The following C2CD3 variants were observed in gnomAD, a reference collection of about 807,000 sequenced individuals.
The protein encoded by C2CD3 is C2 domain-containing protein 3.
C2CD3 carries 148 observed loss-of-function variants against 234.0 expected under a neutral mutation model. The ratio of observed to expected loss-of-function variants is 0.63; its 90% confidence interval spans 0.55 to 0.72. The LOEUF (loss-of-function observed/expected upper bound fraction) is 0.72, where lower values mean the gene tolerates loss of function less well. C2CD3 is among the 30% of genes least tolerant of loss of function. The pLI, the probability that C2CD3 is intolerant of heterozygous loss-of-function variation, is 0.00. For missense variants in C2CD3, 2,577 were observed against 2,811.5 expected (o/e 0.92, Z 1.89); for synonymous variants, 1,000 against 1,035.4 (o/e 0.97, Z 0.66).
intron 20 of C2CD3, 63 bp downstream of exon 20, chr11:74,090,750 G>C: frequency 6.3e-7 from 1 of 1,585,718 alleles, no homozygotes; most frequent in Non-Finnish European, 8.6e-7. Flanking sequence ...GCATATCTGA[G>C]CATTATTTTA....
chr11:74,117,321 C>T (rs1957054703), intron 9 of C2CD3, among the ~76,000 whole-genome samples: 1 of 125,044 alleles, frequency 8.0e-6, no homozygotes, highest in Admixed American at 9.0e-5. Flanking sequence ...AGTAGTCTAC[C>T]CAAATAATTA....
chr11:74,111,941 C>T (rs1454515990), intron 11 of C2CD3, among the ~76,000 whole-genome samples: 1 of 144,478 alleles, frequency 6.9e-6, no homozygotes, highest in Admixed American at 6.8e-5. Flanking sequence ...CACACACACA[C>T]ACACACACAC....
In C2CD3 at chr11:74,114,418, C is replaced by T. The variant is rs776845145; in HGVS notation, c.1696G>A (p.Gly566Ser). The T allele has an allele frequency of 6.2e-7, 1 of 1,613,980 alleles. No homozygotes were observed. The highest frequency in any genetic ancestry group is 8.5e-7 in the Non-Finnish European group (1 of 1,179,980). Residue 566 changes from glycine (G) to serine (S), a missense_variant, in exon 10 of 33, where the codon GGT becomes AGT. Physicochemically the swap from Gly to Ser is moderately conservative, Grantham distance 56 (BLOSUM62 0). Coordinates refer to ENST00000334126, the MANE Select transcript of C2CD3 (RefSeq NM_001286577.2). ...QMTPGKKSYA[G>S]PPPKVTTAKK... is the part of the protein sequence containing the mutation. ...GCTGTAGTCACCTTAGGTGGTGGAC[C>T]AGCATAGCTTTTTTTGCCAGGGGTC...
intron 7 of C2CD3, chr11:74,129,086 C>A (rs369291129): frequency 5.7e-6 from 1 of 174,042 alleles, no homozygotes; most frequent in African/African-American, 3.3e-5. Flanking sequence ...GGGTGGTGGC[C>A]GGGCAGAGGG....
chr11:74,110,638 C>T (rs1956708452), intron 11 of C2CD3: 2 of 152,222 alleles, frequency 1.3e-5, no homozygotes, highest in Non-Finnish European at 2.9e-5. Flanking sequence ...TACAAACAAT[C>T]CTATTTCAAT....
At chr11:74,081,411 AT>A (rs1190189746) in intron 22 of C2CD3, among the ~76,000 whole-genome samples, 1 of 152,086 alleles carries the variant, frequency 6.6e-6, no homozygotes, top group Non-Finnish European at 1.5e-5. Flanking sequence ...GTGAATCTGG[AT>A]TTCATTTCAG....
intron 12 of C2CD3, among the ~76,000 whole-genome samples, chr11:74,107,322 T>TCTCTCACACACACACACACACACA (rs948551188): frequency 4.1e-5 from 6 of 146,526 alleles, no homozygotes; most frequent in African/African-American, 1.5e-4. Context: ...TGAAACTGTG[T>TCTCTCACACACACACACACACACA]CACACACACA....
chr11:74,113,828 A>G lies in C2CD3; in HGVS notation c.1795T>C (p.Leu599=), dbSNP rs755548481. Residue 599 remains leucine (L), a synonymous_variant, in exon 11 of 33, where the codon TTG becomes CTG. Coordinates refer to ENST00000334126, the MANE Select transcript of C2CD3 (RefSeq NM_001286577.2). ...FSESGLGKTA[L]ITEVVRLASS... is the part of the protein sequence containing the mutation. ...GCGAGTCGAACAACCTCAGTGATCAAAGCTGTCTTTCCCAATCCGCTTTCC... is the reference window on the plus strand; with the variant it reads ...GCGAGTCGAACAACCTCAGTGATCAGAGCTGTCTTTCCCAATCCGCTTTCC... 9.3e-6 allele frequency: 15 copies of G among 1,613,110 alleles called. No homozygotes were observed. Among genetic ancestry groups the G allele is most frequent in the Admixed American group, 1.7e-5 (1 of 59,896 alleles).
At chr11:74,037,795 T>A (rs1034143923) in intron 29 of C2CD3, 97 bp from the exon 30 acceptor site, 2 of 864,262 alleles carry the variant, frequency 2.3e-6, no homozygotes, top group African/African-American at 3.3e-5. Flanking sequence ...AGCCAAAGCC[T>A]TAATACCTCT....
rs199644407 is a variant in C2CD3 at position 74,084,941 on chromosome 11, T to C, written c.3940A>G (p.Lys1314Glu). Reference sequence around the variant, plus strand: ...TTTACTACTCCAAGCAGATACTCTTTGCATGACTCAATACTGATTATATCA... The same window carrying C: ...TTTACTACTCCAAGCAGATACTCTTCGCATGACTCAATACTGATTATATCA... The part of the protein sequence containing the change: ...ASDIISIESC[K>E]EYLLGVVKVP... Residue 1314 changes from lysine (K) to glutamate (E), a missense_variant, in exon 22 of 33, where the codon AAA becomes GAA. Physicochemically the swap from Lys to Glu is moderately conservative, Grantham distance 56 (BLOSUM62 1). Coordinates refer to ENST00000334126, the MANE Select transcript of C2CD3 (RefSeq NM_001286577.2). 17 of 1,612,084 alleles carry C rather than the reference T, an allele frequency of 1.1e-5. No homozygotes were observed. The highest frequency in any genetic ancestry group is 1.4e-5 in the Non-Finnish European group (17 of 1,178,258).
chr11:74,070,035 G>A (rs1954722724), intron 24 of C2CD3, among the ~76,000 whole-genome samples: 2 of 152,176 alleles, frequency 1.3e-5, no homozygotes, highest in Non-Finnish European at 2.9e-5. Flanking sequence ...GCCTCTAAAA[G>A]TTGATAATAT....
intron 1 of C2CD3, among the ~76,000 whole-genome samples, chr11:74,169,440 C>CT (rs111585564): frequency 1.9e-4 from 29 of 151,856 alleles, no homozygotes; most frequent in African/African-American, 7.0e-4. Context: ...TTATTTATAC[C>CT]TTTTTTTTCC....
At chr11:74,039,100 G>A (rs779464001) in intron 29 of C2CD3, among the ~76,000 whole-genome samples, 1 of 152,196 alleles carries the variant, frequency 6.6e-6, no homozygotes, top group African/African-American at 2.4e-5. Flanking sequence ...TGTCTATATC[G>A]TGGTATATGC....
intron 7 of C2CD3, 66 bp from the exon 8 acceptor site, chr11:74,123,201 T>C (rs1432694126): frequency 1.7e-6 from 2 of 1,199,212 alleles, no homozygotes; most frequent in African/African-American, 1.5e-5. Context: ...ATTCTCTCTT[T>C]AGTGAAACTT....
chr11:74,103,565 CACTTA>C lies in C2CD3; in HGVS notation c.2141_2145del (p.Leu714TrpfsTer16). The C allele has an allele frequency of 6.2e-7, 1 of 1,613,450 alleles. No homozygotes were observed. The highest frequency in any genetic ancestry group is 8.5e-7 in the Non-Finnish European group (1 of 1,179,726). Reference sequence around the variant, plus strand: ...CAAAGTGGGGTATAATGGGTGTTGCCACTTAACTTAGTATTGATACCAGTGAAATC... The same window carrying C: ...CAAAGTGGGGTATAATGGGTGTTGCCACTTAGTATTGATACCAGTGAAATC... On this transcript the variant is annotated frameshift_variant, in exon 14 of 33. Transcript: ENST00000334126. LOFTEE classifies it high-confidence loss of function.
chr11:74,100,384 G>A (rs1032806548), intron 15 of C2CD3, 141 bp downstream of exon 15: 12 of 745,410 alleles, frequency 1.6e-5, no homozygotes, highest in Non-Finnish European at 2.6e-5. Context: ...ATAGGAGAAA[G>A]AGCAGCAACT....
At chr11:74,169,560 T>C (rs1363094760) in intron 1 of C2CD3, among the ~76,000 whole-genome samples, 3 of 152,206 alleles carry the variant, frequency 2.0e-5, no homozygotes, top group Non-Finnish European at 4.4e-5. Context: ...CTCTGCCCTC[T>C]ATAGTGGAGA....
intron 32 of C2CD3, among the ~76,000 whole-genome samples, chr11:74,020,556 G>A (rs1952046112): frequency 6.6e-6 from 1 of 152,198 alleles, no homozygotes; most frequent in African/African-American, 2.4e-5. Flanking sequence ...AGAACTGCGA[G>A]CTCCCTAAAG....
At chr11:74,029,816 C>T (rs1271157356) in intron 31 of C2CD3, among the ~76,000 whole-genome samples, 3 of 152,180 alleles carry the variant, frequency 2.0e-5, no homozygotes, top group African/African-American at 7.2e-5. Context: ...AGTGCAGTGG[C>T]GTGATCATGG....
Sources: gnomAD v4.1 joint callset for allele counts (sites outside exome capture counted in the v4.1 genomes callset) on GRCh38, gnomAD v4.1.1 for gene constraint, MANE v1.5 for transcripts, NCBI Gene and HGNC (gene_info 2026-07-23, HGNC 2026-07-21) for gene names.